The following KIRREL3 variants were observed in gnomAD, a reference collection of about 807,000 sequenced individuals.
The protein encoded by KIRREL3 is kin of IRRE-like protein 3.
Under a neutral mutation model 89.7 loss-of-function variants are expected in KIRREL3, and 36 were observed. The ratio of observed to expected loss-of-function variants is 0.40; its 90% CI spans 0.31 to 0.53. The LOEUF is 0.53. Among genes scored for constraint, KIRREL3 ranks in the 20% least tolerant of loss-of-function variants. The pLI, the probability that KIRREL3 is intolerant of heterozygous loss-of-function variation, is 0.49. For missense variants in KIRREL3, 864 were observed against 1,056.6 expected (o/e 0.82, Z 2.53); for synonymous variants, 445 against 441.4 (o/e 1.01, Z -0.10).
rs1949179672 is a variant in KIRREL3 at position 126,747,146 on chromosome 11, C to G, written c.56-184234G>C. 6.6e-6 allele frequency among the ~76,000 whole-genome samples: 1 copy of G among 152,188 alleles called. No individual in the cohort carries two copies. Among genetic ancestry groups the G allele is most frequent in the Admixed American group, 6.5e-5 (1 of 15,278 alleles). ...GTGTAGCTAACTTGTTTTCCTTCCCCATCAAATGAGCAAGTTGGCCTCATA... is the reference window on the plus strand; with the variant it reads ...GTGTAGCTAACTTGTTTTCCTTCCCGATCAAATGAGCAAGTTGGCCTCATA... On this transcript the variant is annotated intron_variant, in intron 1 of 16. Transcript: ENST00000525144. This position sits in a 1 kb window ranked among gnomAD's most constrained non-coding sequence, Gnocchi z 4.7.
intron 1 of KIRREL3, among the ~76,000 whole-genome samples, chr11:126,963,248 T>C (rs1949150134): frequency 6.6e-6 from 1 of 151,872 alleles, no homozygotes; most frequent in South Asian, 2.1e-4. Context: ...AACACTTAGT[T>C]TCCTGAAATA....
At chr11:126,911,929 G>GCCGAGA in intron 1 of KIRREL3, among the ~76,000 whole-genome samples, 1 of 146,218 alleles carries the variant, frequency 6.8e-6, no homozygotes, top group Non-Finnish European at 1.5e-5. Flanking sequence ...CTTGCAGTGA[G>GCCGAGA]CCGAGATGGC....
rs1267014910 is a variant in KIRREL3 at position 126,906,114 on chromosome 11, C to T, written c.55+94341G>A. ...ATCACACTGCAGCAGGAGCACACTC[C>T]AGCCCATCCTGCCCCTCTCTGAATT... On this transcript the variant is annotated intron_variant, in intron 1 of 16. Transcript: ENST00000525144. The surrounding 1 kb of genome is among the most constrained non-coding windows in gnomAD (Gnocchi z 4.1). 6.6e-6 allele frequency among the ~76,000 whole-genome samples: 1 copy of T among 152,224 alleles called. No individual in the cohort carries two copies. The highest frequency in any genetic ancestry group is 1.5e-5 in the Non-Finnish European group (1 of 68,040).
rs1467869457 is a variant in KIRREL3, at chr11:126,620,911, T to C, written c.56-57999A>G. On this transcript the variant is annotated intron_variant, in intron 1 of 16. Transcript: ENST00000525144. The surrounding 1 kb of genome is among the most constrained non-coding windows in gnomAD (Gnocchi z 4.8). ...TAGGCCTAAGACCAGAGGCTTTTTG[T>C]TTTTTCTTCTCTTCTCTGGACTCAT... Among the ~76,000 whole-genome samples, 2 of 152,142 alleles carry C rather than the reference T, an allele frequency of 1.3e-5. No individual in the cohort carries two copies. The highest frequency in any genetic ancestry group is 4.8e-5 in the African/African-American group (2 of 41,428).
At chr11:126,828,923 T>A (rs1943509462) in intron 1 of KIRREL3, among the ~76,000 whole-genome samples, 1 of 152,002 alleles carries the variant, frequency 6.6e-6, no homozygotes, top group South Asian at 2.1e-4. Context: ...GACAGTGAGA[T>A]GGGAAACCAG....
At position 126,431,171 on chromosome 11, in the gene KIRREL3, T is replaced by G; in HGVS notation, c.1696+248A>C. 6.9e-7 allele frequency: 1 copy of G among 1,450,680 alleles called. No homozygotes were observed. Among genetic ancestry groups the G allele is most frequent in the Non-Finnish European group, 9.1e-7 (1 of 1,102,556 alleles). 89.9% of individuals were successfully genotyped at this position (1,450,680 alleles called of 1,614,324 possible). A position where few individuals can be genotyped will look rare whatever the true frequency, so the allele number is the denominator to read the frequency against. On this transcript the variant is annotated intron_variant, in intron 14 of 16. Transcript: ENST00000525144. The surrounding 1 kb of genome is among the most constrained non-coding windows in gnomAD (Gnocchi z 7.1). ...AAAGAGCTATGTGTTCAATCCAAAA[T>G]GCTGGCTGCCCTGCAGATGAAGTTC...
intron 7 of KIRREL3, among the ~76,000 whole-genome samples, chr11:126,450,954 T>G (rs1361692184): frequency 6.6e-6 from 1 of 151,166 alleles, no homozygotes; most frequent in East Asian, 2.0e-4. Flanking sequence ...TGTGTGCATG[T>G]GTGAGCGTGT....
intron 1 of KIRREL3, among the ~76,000 whole-genome samples, chr11:126,854,318 G>T (rs754040047): frequency 2.6e-5 from 4 of 152,178 alleles, no homozygotes; most frequent in Admixed American, 1.3e-4. Flanking sequence ...ATATTATTAT[G>T]CAGTATGAAT....
chr11:126,440,496 C>T lies in KIRREL3; in HGVS notation c.1306G>A (p.Gly436Ser), dbSNP rs755391207. 1.2e-6 allele frequency: 2 copies of T among 1,601,764 alleles called. No individual in the cohort carries two copies. The highest frequency in any genetic ancestry group is 1.7e-6 in the Non-Finnish European group (2 of 1,174,730). ...CTCCGGATGAAGCACTTGATCTGGCCCTTCTCGCCGTGGAGGGCGTGCTGG... is the reference window on the plus strand; with the variant it reads ...CTCCGGATGAAGCACTTGATCTGGCTCTTCTCGCCGTGGAGGGCGTGCTGG... ...QTQHALHGEK[G>S]QIKCFIRSTP... The change falls in exon 11 of 17, where the codon GGC (glycine) becomes AGC (serine). Residue 436 changes from glycine to serine, a missense_variant. Gly to Ser is a moderately conservative substitution (Grantham distance 56, BLOSUM62 0). Coordinates refer to ENST00000525144, the MANE Select transcript of KIRREL3 (RefSeq NM_032531.4).
Position 126,682,738 on chromosome 11 carries a change from C to T in KIRREL3, c.56-119826G>A, listed in dbSNP as rs117728293. On this transcript the variant is annotated intron_variant, in intron 1 of 16. Transcript: ENST00000525144. This position sits in a 1 kb window ranked among gnomAD's most constrained non-coding sequence, Gnocchi z 4.8. ...CGCAGTTCACAACAGGGCTGGTGCT[C>T]CTAGGAGAATCTAACGCCTCTGCTG... Among the ~76,000 whole-genome samples the T allele has an allele frequency of 0.029, 4,482 of 152,202 alleles. 107 individuals are homozygous for T. Among genetic ancestry groups the T allele is most frequent in the Non-Finnish European group, 0.04 (2,743 of 68,006 alleles).
At chr11:126,838,472 G>A (rs960922957) in intron 1 of KIRREL3, among the ~76,000 whole-genome samples, 2 of 152,152 alleles carry the variant, frequency 1.3e-5, no homozygotes, top group Admixed American at 1.3e-4. Flanking sequence ...TGCCAACTCT[G>A]GAGAAACCAA....
At chr11:126,866,776 C>G (rs1010364363) in intron 1 of KIRREL3, among the ~76,000 whole-genome samples, 2 of 152,076 alleles carry the variant, frequency 1.3e-5, no homozygotes, top group Non-Finnish European at 2.9e-5. Context: ...GACGCAGACG[C>G]GAGGAGAATT....
chr11:126,724,217 G>A lies in KIRREL3; in HGVS notation c.56-161305C>T, dbSNP rs369555655. On this transcript the variant is annotated intron_variant, in intron 1 of 16. Coordinates refer to ENST00000525144, the MANE Select transcript of KIRREL3 (RefSeq NM_032531.4). The surrounding 1 kb of genome is among the most constrained non-coding windows in gnomAD (Gnocchi z 4.3). ...TTCAGAGGCAGGTTGCTTCTGCCACGGCAAGGAGAAGATCACTTTCTGTGT... is the reference window on the plus strand; with the variant it reads ...TTCAGAGGCAGGTTGCTTCTGCCACAGCAAGGAGAAGATCACTTTCTGTGT... 2.0e-5 allele frequency among the ~76,000 whole-genome samples: 3 copies of A among 152,128 alleles called. No homozygotes were observed. Among genetic ancestry groups the A allele is most frequent in the African/African-American group, 4.8e-5 (2 of 41,416 alleles).
chr11:126,968,791 G>A (rs1449989705), intron 1 of KIRREL3, among the ~76,000 whole-genome samples: 2 of 152,132 alleles, frequency 1.3e-5, no homozygotes, highest in African/African-American at 4.8e-5. Context: ...GAACTCTACA[G>A]GATGGGGCTC....
At chr11:126,916,544 G>A (rs1394706597) in intron 1 of KIRREL3, among the ~76,000 whole-genome samples, 1 of 152,126 alleles carries the variant, frequency 6.6e-6, no homozygotes, top group Non-Finnish European at 1.5e-5. Context: ...AACATCCTCC[G>A]AGACTATGTT....
chr11:126,680,415 T>TATATACACAC (rs551073557), intron 1 of KIRREL3, among the ~76,000 whole-genome samples: 1 of 151,498 alleles, frequency 6.6e-6, no homozygotes, highest in African/African-American at 2.4e-5. Context: ...TATATATATA[T>TATATACACAC]ACACATAGCC....
At chr11:126,732,592 A>G (rs117165561) in intron 1 of KIRREL3, among the ~76,000 whole-genome samples, 384 of 152,364 alleles carry the variant, frequency 2.5e-3, no homozygotes, top group Non-Finnish European at 4.3e-3. Flanking sequence ...GCAGAGAGAC[A>G]GTGAGAGAGT....
Position 126,906,014 on chromosome 11 carries a change from C to T in KIRREL3, c.55+94441G>A, listed in dbSNP as rs964429784. ...TCCAGGTCAAAAATCATTTTATCTG[C>T]TGAAGCAGATGCTTTGTAGAACAAA... is the stretch of plus-strand genomic sequence containing the variant. On this transcript the variant is annotated intron_variant, in intron 1 of 16. Transcript: ENST00000525144. The surrounding 1 kb of genome is among the most constrained non-coding windows in gnomAD (Gnocchi z 4.1). 1.8e-4 allele frequency among the ~76,000 whole-genome samples: 28 copies of T among 152,204 alleles called. No individual in the cohort carries two copies. Among genetic ancestry groups the T allele is most frequent in the Non-Finnish European group, 5.9e-5 (4 of 68,040 alleles).
chr11:126,480,014 C>T (rs1428166547), intron 4 of KIRREL3, among the ~76,000 whole-genome samples: 1 of 152,188 alleles, frequency 6.6e-6, no homozygotes, highest in Non-Finnish European at 1.5e-5. Context: ...CTAGCTACCA[C>T]ATCCTATGGA....
Sources: gnomAD v4.1 joint callset for allele counts (sites outside exome capture counted in the v4.1 genomes callset) on GRCh38, gnomAD v4.1.1 for gene constraint, Gnocchi (gnomAD v3.1) non-coding constraint, MANE v1.5 for transcripts, NCBI Gene and HGNC (gene_info 2026-07-23, HGNC 2026-07-21) for gene names.